The following EHBP1 variants were observed in gnomAD, a reference collection of about 807,000 sequenced individuals.
The protein encoded by EHBP1 is EH domain binding protein 1.
A neutral mutation model predicts 144.0 loss-of-function variants in EHBP1; 55 were observed. The ratio of observed to expected loss-of-function variants is 0.38; its 90% CI spans 0.31 to 0.48. EHBP1 has a LOEUF of 0.48. Ranked by LOEUF, EHBP1 falls within the 20% of genes least tolerant of loss-of-function variation. The pLI is 0.98. For missense variants in EHBP1, 1,200 were observed against 1,364.2 expected, an observed-to-expected ratio of 0.88 and a Z score of 1.90; for synonymous variants, 469 against 472.7, an observed-to-expected ratio of 0.99 and a Z score of 0.10.
rs546453358 is a variant in EHBP1, at chr2:62,718,369, G to A, written c.104+11074G>A. Among the ~76,000 whole-genome samples the A allele has an allele frequency of 2.6e-5, 4 of 152,306 alleles. No homozygotes were observed. In the East Asian group the frequency reaches 7.7e-4, roughly 29 times the overall value. ...ATTAAATGTAAAATTCAGTTCTTCA[G>A]TTACAGTAGCCACATTTCAAATGCT... is the stretch of plus-strand genomic sequence containing the variant. On this transcript the variant is annotated intron_variant, in intron 2 of 22. Coordinates refer to ENST00000431489, the MANE Select transcript of EHBP1 (RefSeq NM_001142616.3).
At chr2:62,737,212 G>A (rs956379864) in intron 2 of EHBP1, among the ~76,000 whole-genome samples, 1 of 152,158 alleles carries the variant, frequency 6.6e-6, no homozygotes, top group African/African-American at 2.4e-5. Context: ...GTCAGGCCTC[G>A]TTAAGAAAAG....
chr2:62,744,656 T>G (rs1352545859), intron 2 of EHBP1, among the ~76,000 whole-genome samples: 2 of 152,154 alleles, frequency 1.3e-5, no homozygotes, highest in Non-Finnish European at 2.9e-5. Context: ...TTTGATCTAT[T>G]TACATTCTTG....
At chr2:62,861,198 C>T (rs979427573) in intron 8 of EHBP1, among the ~76,000 whole-genome samples, 3 of 139,516 alleles carry the variant, frequency 2.2e-5, no homozygotes, top group Admixed American at 1.5e-4. Context: ...GGCACATTCT[C>T]GGCTCACTGC....
At chr2:63,016,456 G>A (rs1039097408) in intron 19 of EHBP1, among the ~76,000 whole-genome samples, 7 of 151,924 alleles carry the variant, frequency 4.6e-5, no homozygotes, top group African/African-American at 1.5e-4. Flanking sequence ...GGGGAATGGA[G>A]TCTCGTTCTT....
intron 13 of EHBP1, among the ~76,000 whole-genome samples, chr2:62,953,584 A>G (rs2057522525): frequency 6.6e-6 from 1 of 151,910 alleles, no homozygotes; most frequent in Non-Finnish European, 1.5e-5. Flanking sequence ...TAATAAAAAA[A>G]TTATGTTTAA....
chr2:62,860,043 T>TA (rs2049377162), intron 8 of EHBP1, among the ~76,000 whole-genome samples: 1 of 152,168 alleles, frequency 6.6e-6, no homozygotes, highest in Non-Finnish European at 1.5e-5. Context: ...TTCACTCTGT[T>TA]ATAGCAATAT....
chr2:62,736,611 T>C (rs1215719583), intron 2 of EHBP1, among the ~76,000 whole-genome samples: 1 of 152,210 alleles, frequency 6.6e-6, no homozygotes, highest in East Asian at 1.9e-4. Flanking sequence ...AGTCTACCAA[T>C]AAACCTATCA....
At chr2:62,897,352 A>G (rs762031778) in intron 10 of EHBP1, among the ~76,000 whole-genome samples, 9 of 152,156 alleles carry the variant, frequency 5.9e-5, no homozygotes, top group Non-Finnish European at 1.0e-4. Context: ...TATTTAGCCA[A>G]TTACTCATAC....
chr2:62,709,177 T>C (rs2034885294), intron 2 of EHBP1, among the ~76,000 whole-genome samples: 1 of 152,028 alleles, frequency 6.6e-6, no homozygotes, highest in South Asian at 2.1e-4. Context: ...GACTAGGCAG[T>C]GGCAAAGGGA....
intron 4 of EHBP1, among the ~76,000 whole-genome samples, chr2:62,769,795 TAAAA>T (rs70962794): frequency 1.4e-4 from 10 of 73,878 alleles, no homozygotes; most frequent in Non-Finnish European, 2.4e-4. Context: ...ATGGTACTGG[TAAAA>T]AAAAAAAAAA....
chr2:62,928,338 C>T (rs2055698974), intron 10 of EHBP1, among the ~76,000 whole-genome samples: 2 of 152,122 alleles, frequency 1.3e-5, no homozygotes, highest in African/African-American at 4.8e-5. Context: ...TGACCAAAAA[C>T]TTTATTCTGC....
At chr2:62,820,671 G>A (rs922506472) in intron 5 of EHBP1, among the ~76,000 whole-genome samples, 6 of 143,356 alleles carry the variant, frequency 4.2e-5, no homozygotes, top group East Asian at 4.0e-4. Flanking sequence ...TGTTGCATAC[G>A]TCAAAATGTC....
At chr2:62,807,941 C>G (rs189655102) in intron 5 of EHBP1, among the ~76,000 whole-genome samples, 41 of 151,850 alleles carry the variant, frequency 2.7e-4, no homozygotes, top group Admixed American at 2.3e-3. Context: ...ATATGCCGAA[C>G]TGGACAATGA....
Position 62,996,731 on chromosome 2 carries a change from T to G in EHBP1, c.3068T>G (p.Leu1023Arg). ...EQKQIDTRAA[L>R]VEKRLRYLMD... ...AAGCAAATTGACACCCGTGCCGCGC[T>G]GGTGGAGAAGCGCCTTCGCTATCTC... The change falls in exon 19 of 23, where the codon CTG becomes CGG. Residue 1023 changes from leucine (L) to arginine (R), a missense_variant. Transcript: ENST00000431489. The G allele has an allele frequency of 6.2e-7, 1 of 1,613,028 alleles. No homozygotes were observed. The highest frequency in any genetic ancestry group is 8.5e-7 in the Non-Finnish European group (1 of 1,179,520).
chr2:62,911,828 C>T (rs2710639), intron 10 of EHBP1, among the ~76,000 whole-genome samples: 103,840 of 151,976 alleles, frequency 0.68, 36,455 homozygotes, highest in African/African-American at 0.86. Flanking sequence ...AAGAAAACTT[C>T]ATGATGTTTG....
intron 1 of EHBP1, among the ~76,000 whole-genome samples, chr2:62,683,897 C>G (rs2033626099): frequency 6.6e-6 from 1 of 152,122 alleles, no homozygotes; most frequent in African/African-American, 2.4e-5. Flanking sequence ...ACCGAAGCTT[C>G]AGGCTCACCC....
chr2:62,770,556 G>T (rs887449226), intron 4 of EHBP1, among the ~76,000 whole-genome samples: 3 of 152,168 alleles, frequency 2.0e-5, no homozygotes, highest in African/African-American at 4.8e-5. Context: ...TACACTGGTG[G>T]TAGGAATGTA....
At chr2:62,802,717 T>C (rs1390935044) in intron 5 of EHBP1, among the ~76,000 whole-genome samples, 1 of 149,124 alleles carries the variant, frequency 6.7e-6, no homozygotes, top group Non-Finnish European at 1.5e-5. Context: ...AATGGGATCA[T>C]ACTTTTTTTT....
At chr2:62,686,024 G>A (rs554645690) in intron 1 of EHBP1, among the ~76,000 whole-genome samples, 2 of 152,286 alleles carry the variant, frequency 1.3e-5, no homozygotes, top group South Asian at 2.1e-4. Context: ...AAAAAAAATA[G>A]TATTCTCTCC....
Sources: allele counts gnomAD v4.1 joint callset (sites outside exome capture counted in the v4.1 genomes callset), GRCh38; gene constraint gnomAD v4.1.1; transcripts MANE v1.5; gene names NCBI Gene and HGNC (gene_info 2026-07-23, HGNC 2026-07-21).